Variants in NBPF26 observed in about 807,000 individuals in gnomAD.
The protein encoded by NBPF26 is NBPF family member NBPF26.
In NBPF26, 79 loss-of-function variants were observed where a neutral mutation model predicts 119.6. The ratio of observed to expected loss-of-function variants is 0.66; its 90% CI spans 0.55 to 0.80. The LOEUF (loss-of-function observed/expected upper bound fraction) is 0.80. NBPF26 is among the 30% of genes least tolerant of loss of function. The pLI is 0.00. For synonymous variants in NBPF26, 299 were observed against 457.7 expected (o/e 0.65, Z 4.43); for missense variants, 800 against 1,198.2 (o/e 0.67, Z 4.91).
At chr1:120,814,732 C>T (rs1553271483) in intron 11 of NBPF26, 97 bp from the exon 12 acceptor site, 3 of 723,044 alleles carry the variant, frequency 4.1e-6, no homozygotes, top group Non-Finnish European at 7.2e-6. Flanking sequence ...GCTTCGAGGT[C>T]TCCTTGAGGA....
chr1:120,823,422 G>T, intron 17 of NBPF26, 62 bp downstream of exon 17: 1 of 719,754 alleles, frequency 1.4e-6, no homozygotes, highest in Non-Finnish European at 2.3e-6. Flanking sequence ...CCAAGTCCAG[G>T]GAAAACAGTA....
chr1:120,814,625 C>T lies in NBPF26; in HGVS notation c.1878-204C>T, dbSNP rs1427445128. Among the ~76,000 whole-genome samples, 6 of 123,920 alleles carry T rather than the reference C, an allele frequency of 4.8e-5. 1 individual carries two copies. The highest frequency in any genetic ancestry group is 9.9e-5 in the Non-Finnish European group (6 of 60,564). The allele number at this position is 123,920 out of a possible 152,430, so 81.3% of individuals were successfully genotyped here. A position where few individuals can be genotyped will look rare whatever the true frequency, so the allele number is the denominator to read the frequency against. Reference sequence around the variant, plus strand: ...AGATGAATGGAACATCATCGAGGATCTTGCAAGAGCCCTCTCTGATTCAGA... The same window carrying T: ...AGATGAATGGAACATCATCGAGGATTTTGCAAGAGCCCTCTCTGATTCAGA... On this transcript the variant is annotated intron_variant, in intron 11 of 29. Coordinates refer to ENST00000620612, the Ensembl canonical transcript of NBPF26.
intron 4 of NBPF26, among the ~76,000 whole-genome samples, chr1:120,803,602 C>A (rs1651609095): frequency 2.4e-5 from 3 of 123,218 alleles, no homozygotes; most frequent in Non-Finnish European, 5.0e-5. Flanking sequence ...TCCAGCATCA[C>A]AAAAACCAAA....
rs1553270337 is a variant in NBPF26 at position 120,807,739 on chromosome 1, G to T, written c.1064+30G>T. 55 of 1,073,540 alleles carry T rather than the reference G, an allele frequency of 5.1e-5. No individual in the cohort carries two copies. The East Asian group carries it at 1.2e-3, about 23-fold the overall frequency. 66.5% of individuals were successfully genotyped at this position (1,073,540 alleles called of 1,614,324 possible). ...GGGGACCCCATGGGGGCAGGCAGGG[G>T]GGCAGGTGTGTAAATCTCTGAAGTA... is the stretch of plus-strand genomic sequence containing the variant. On this transcript the variant is annotated intron_variant, in intron 6 of 29. Coordinates refer to ENST00000620612, the Ensembl canonical transcript of NBPF26.
chr1:120,805,079 G>T (rs1553269485), intron 4 of NBPF26, among the ~76,000 whole-genome samples: 2 of 121,586 alleles, frequency 1.6e-5, no homozygotes, highest in Non-Finnish European at 1.7e-5. Flanking sequence ...TAAACAGTGA[G>T]GAATATGCTT....
intron 2 of NBPF26, among the ~76,000 whole-genome samples, chr1:120,765,248 G>C (rs1377275550): frequency 1.0e-5 from 1 of 100,368 alleles, no homozygotes; most frequent in Non-Finnish European, 1.9e-5. Context: ...ATACCTTAGA[G>C]TAGGCCACTG....
At chr1:120,798,488 CAG>C (rs1176488399) in intron 4 of NBPF26, among the ~76,000 whole-genome samples, 5 of 120,778 alleles carry the variant, frequency 4.1e-5, no homozygotes, top group Admixed American at 1.8e-4. Context: ...ATACGTGGCA[CAG>C]GGGTCAGTGA....
rs2101387277 is a variant in NBPF26 at position 120,754,389 on chromosome 1, A to G, written c.74-9239A>G. Among the ~76,000 whole-genome samples the G allele has an allele frequency of 4.7e-5, 2 of 42,888 alleles. 1 individual carries two copies. Among genetic ancestry groups the G allele is most frequent in the East Asian group, 1.1e-3 (2 of 1,886 alleles). 28.1% of individuals were successfully genotyped at this position (42,888 alleles called of 152,430 possible). A position where few individuals can be genotyped will look rare whatever the true frequency, so the allele number is the denominator to read the frequency against. Reference sequence around the variant, plus strand: ...TGACCACTAAGCAGCACACAAATATATAGCACTTTTTGTAGAGAATAATTA... The same window carrying G: ...TGACCACTAAGCAGCACACAAATATGTAGCACTTTTTGTAGAGAATAATTA... On this transcript the variant is annotated intron_variant, in intron 1 of 29. Coordinates refer to ENST00000620612, the Ensembl canonical transcript of NBPF26.
At chr1:120,728,635 C>T (rs1361252831) in intron 1 of NBPF26, among the ~76,000 whole-genome samples, 1 of 117,152 alleles carries the variant, frequency 8.5e-6, no homozygotes, top group South Asian at 2.4e-4. Flanking sequence ...AATAGCCACA[C>T]CTTACTGTAA....
At chr1:120,805,658 C>T in exon 5 of NBPF26, 1 of 1,457,916 alleles carries the variant, frequency 6.9e-7, no homozygotes, top group Non-Finnish European at 9.3e-7. Flanking sequence ...ATCAACGAGA[C>T]ATTGCGCCCC....
At chr1:120,825,356 T>G (rs1357708680) in intron 18 of NBPF26, among the ~76,000 whole-genome samples, 158 bp from the exon 20 acceptor site, 1 of 122,072 alleles carries the variant, frequency 8.2e-6, no homozygotes, top group African/African-American at 4.6e-5. Context: ...TACCTGGCCC[T>G]GGTTTATCCC....
chr1:120,802,800 C>T (rs1270072171), intron 4 of NBPF26, among the ~76,000 whole-genome samples: 1 of 114,588 alleles, frequency 8.7e-6, no homozygotes, highest in Non-Finnish European at 1.7e-5. Context: ...AGATCAGAGG[C>T]ATTGAGACAT....
chr1:120,762,465 C>A (rs1394251921), intron 1 of NBPF26, among the ~76,000 whole-genome samples: 1 of 106,624 alleles, frequency 9.4e-6, no homozygotes, highest in Non-Finnish European at 1.8e-5. Context: ...CCAGGCCTAG[C>A]GTCTCTCTGA....
chr1:120,784,948 C>T (rs1651404593), intron 2 of NBPF26, 26 bp from the exon 3 acceptor site: 2 of 1,321,514 alleles, frequency 1.5e-6, no homozygotes, highest in Middle Eastern at 4.0e-4. Flanking sequence ...CAGGTGTTTT[C>T]ATGGACTCTT....
intron 1 of NBPF26, among the ~76,000 whole-genome samples, chr1:120,759,472 T>C (rs1410716537): frequency 6.1e-5 from 4 of 65,342 alleles, no homozygotes; most frequent in Middle Eastern, 4.9e-3. Flanking sequence ...GTATGATTAA[T>C]GTTTCTTTTT....
At chr1:120,811,354 T>A (rs1651860852) in intron 9 of NBPF26, among the ~76,000 whole-genome samples, 1 of 111,210 alleles carries the variant, frequency 9.0e-6, no homozygotes, top group South Asian at 2.5e-4. Flanking sequence ...AAAACCAGCC[T>A]GTCCAAGATG....
Position 120,754,716 on chromosome 1 carries a change from G to T in NBPF26, c.74-8912G>T, listed in dbSNP as rs1331655548. ...GCTAGTTTTTACCATAATACACATG[G>T]CTTAAGATTTATAGGAGGCTAAGAG... On this transcript the variant is annotated intron_variant, in intron 1 of 29. Transcript: ENST00000620612. 3.5e-5 allele frequency among the ~76,000 whole-genome samples: 4 copies of T among 113,818 alleles called. 1 individual carries two copies. The highest frequency in any genetic ancestry group is 5.0e-5 in the Non-Finnish European group (3 of 60,144). 74.7% of individuals were successfully genotyped at this position (113,818 alleles called of 152,430 possible).
At position 120,756,514 on chromosome 1, in the gene NBPF26, A is replaced by T. The variant is rs1371255309; in HGVS notation, c.74-7114A>T. 2.6e-4 allele frequency among the ~76,000 whole-genome samples: 30 copies of T among 117,046 alleles called. 5 individuals carry two copies. Among genetic ancestry groups the T allele is most frequent in the Admixed American group, 2.4e-3 (30 of 12,286 alleles). The allele number at this position is 117,046 out of a possible 152,430, so 76.8% of individuals were successfully genotyped here. A position where few individuals can be genotyped will look rare whatever the true frequency, so the allele number is the denominator to read the frequency against. ...GCAGATAGGGAGAAGGATATGAAAA[A>T]AATCATGTGAGATAGACGACAGAGG... On this transcript the variant is annotated intron_variant, in intron 1 of 29. Coordinates refer to ENST00000620612, the Ensembl canonical transcript of NBPF26.
chr1:120,801,289 TG>T (rs1651578144), intron 4 of NBPF26, among the ~76,000 whole-genome samples: 2 of 119,188 alleles, frequency 1.7e-5, no homozygotes, highest in Non-Finnish European at 3.4e-5. Context: ...CTGCAAGAAG[TG>T]GGGAATTGGA....
Sources: allele counts gnomAD v4.1 joint callset (sites outside exome capture counted in the v4.1 genomes callset), GRCh38; gene constraint gnomAD v4.1.1; transcripts MANE v1.5; gene names NCBI Gene and HGNC (gene_info 2026-07-23, HGNC 2026-07-21).